The following STARD8 variants were observed in gnomAD, a reference collection of about 807,000 sequenced individuals.
STARD8 encodes the protein StAR related lipid transfer domain containing 8.
In STARD8, 25 loss-of-function variants were observed where a neutral mutation model predicts 69.4. That is an observed-to-expected ratio of 0.36 (90% CI 0.26 to 0.50). The LOEUF is 0.50. STARD8 is among the 20% of genes least tolerant of loss of function. STARD8 has a pLI of 0.96. For synonymous variants in STARD8, 389 were observed against 374.6 expected (o/e 1.04, Z -0.45); for missense variants, 921 against 932.5 (o/e 0.99, Z 0.16).
At chrX:68,696,619 G>C (rs1482494161) in intron 2 of STARD8, among the ~76,000 whole-genome samples, 4 of 111,942 alleles carry the variant, frequency 3.6e-5, no homozygotes, top group Non-Finnish European at 7.5e-5. Flanking sequence ...TGAACATGGG[G>C]AGCTTTAACT....
At chrX:68,678,375 A>G (rs945543883) in intron 2 of STARD8, among the ~76,000 whole-genome samples, 2 of 111,769 alleles carry the variant, frequency 1.8e-5, no homozygotes, top group African/African-American at 6.5e-5. Context: ...TAAAAAGGGA[A>G]GGAGGAAGGC....
At position 68,721,135 on chromosome X, in the gene STARD8, C is replaced by T. The variant is rs2080145077; in HGVS notation, c.2248+13C>T. On this transcript the variant is annotated intron_variant, in intron 9 of 14. Transcript: ENST00000374599. The stretch of plus-strand genomic sequence containing the variant: ...CAGATCTACCAGCGTGAGTCGCCCA[C>T]TCCTATCCCCAACAACCTGTCCCAT... 3 of 1,207,643 alleles carry T rather than the reference C, an allele frequency of 2.5e-6. No individual in the cohort carries two copies. The highest frequency in any genetic ancestry group is 3.5e-5 in the South Asian group (2 of 56,808).
intron 2 of STARD8, among the ~76,000 whole-genome samples, chrX:68,688,253 T>C (rs1051323609): frequency 4.5e-4 from 50 of 111,757 alleles, no homozygotes; most frequent in Admixed American, 2.5e-3. Flanking sequence ...CCCTCTCCGA[T>C]GTCATCCTGG....
Position 68,718,208 on chromosome X carries a change from G to A in STARD8, c.1294G>A (p.Val432Ile). The A allele has an allele frequency of 8.3e-7, 1 of 1,211,860 alleles. No homozygotes were observed. Residue 432 changes from valine to isoleucine, a missense_variant, in exon 6 of 15, where the codon GTT (valine) becomes ATT (isoleucine). By Grantham distance (29) the Val-to-Ile change is conservative. Coordinates refer to ENST00000374599, the MANE Select transcript of STARD8 (RefSeq NM_001142503.3). ...EATSSVEIAT[V>I]EVKCQAEALS... Reference sequence around the variant, plus strand: ...CACTTCATCAGTAGAAATAGCCACAGTTGAGGTCAAATGCCAAGCTGAGGC... The same window carrying A: ...CACTTCATCAGTAGAAATAGCCACAATTGAGGTCAAATGCCAAGCTGAGGC...
At chrX:68,701,495 C>A (rs2079965881) in intron 2 of STARD8, among the ~76,000 whole-genome samples, 1 of 113,013 alleles carries the variant, frequency 8.8e-6, no homozygotes, top group Admixed American at 9.3e-5. Flanking sequence ...AGTGATCAGT[C>A]ACTTCTGGAC....
intron 1 of STARD8, among the ~76,000 whole-genome samples, chrX:68,658,472 C>T (rs1159522498): frequency 8.9e-6 from 1 of 111,971 alleles, no homozygotes; most frequent in Non-Finnish European, 1.9e-5. Context: ...CTGACAGTCT[C>T]ATTATATTTC....
intron 5 of STARD8, among the ~76,000 whole-genome samples, 160 bp downstream of exon 5, chrX:68,716,591 G>C (rs2080093255): frequency 9.0e-6 from 1 of 111,501 alleles, no homozygotes; most frequent in South Asian, 3.8e-4. Flanking sequence ...GGAGATCTAG[G>C]ACCCCATTCT....
intron 2 of STARD8, among the ~76,000 whole-genome samples, chrX:68,695,854 T>C (rs2079915771): frequency 9.0e-6 from 1 of 111,404 alleles, no homozygotes; most frequent in Non-Finnish European, 1.9e-5. Context: ...GTTTAGAGGA[T>C]AGCAACAGGG....
chrX:68,723,531 C>G, intron 12 of STARD8, 95 bp from the exon 13 acceptor site: 1 of 784,998 alleles, frequency 1.3e-6, no homozygotes, highest in Non-Finnish European at 1.8e-6. Context: ...CCCTATTAAG[C>G]CTCAGGCCCT....
intron 7 of STARD8, 79 bp from the exon 8 acceptor site, chrX:68,720,185 C>G: frequency 9.3e-7 from 1 of 1,075,068 alleles, no homozygotes; most frequent in Non-Finnish European, 1.2e-6. Context: ...CCCCTCACCC[C>G]ACCTGATCCT....
intron 1 of STARD8, among the ~76,000 whole-genome samples, chrX:68,658,701 C>T (rs2079626038): frequency 8.9e-6 from 1 of 112,561 alleles, no homozygotes; most frequent in African/African-American, 3.2e-5. Flanking sequence ...ATTTCCAAGT[C>T]ACTTGTAACA....
chrX:68,699,138 CT>C (rs1243472914), intron 2 of STARD8, among the ~76,000 whole-genome samples: 1 of 111,860 alleles, frequency 8.9e-6, no homozygotes, highest in Non-Finnish European at 1.9e-5. Context: ...ACTGCTCCCC[CT>C]GGGTCGTACC....
chrX:68,699,078 C>T (rs753421455), intron 2 of STARD8, among the ~76,000 whole-genome samples: 51 of 111,930 alleles, frequency 4.6e-4, no homozygotes, highest in Non-Finnish European at 8.3e-4. Context: ...TGTGTCTGTC[C>T]CTAGTGGCCA....
intron 2 of STARD8, among the ~76,000 whole-genome samples, chrX:68,675,729 G>A (rs1021524206): frequency 9.0e-6 from 1 of 111,556 alleles, no homozygotes; most frequent in Non-Finnish European, 1.9e-5. Flanking sequence ...GCAGTACGCA[G>A]GCCAGAGGGG....
chrX:68,718,592 G>A lies in STARD8; in HGVS notation c.1678G>A (p.Asp560Asn). ...LQASMPRERR[D>N]SGVGASLTRP... ...GGCATCAATGCCCCGTGAACGGCGC[G>A]ATTCAGGTGTTGGGGCCTCACTTAC... Residue 560 changes from aspartate (D) to asparagine (N), a missense_variant, in exon 6 of 15, where the codon GAT becomes AAT. By Grantham distance (23) the Asp-to-Asn change is conservative (BLOSUM62 1). Transcript: ENST00000374599. 2 of 1,207,820 alleles carry A rather than the reference G, an allele frequency of 1.7e-6. No individual in the cohort carries two copies. The highest frequency in any genetic ancestry group is 1.7e-5 in the African/African-American group (1 of 57,897).
At chrX:68,684,595 G>T (rs1467740353) in intron 2 of STARD8, among the ~76,000 whole-genome samples, 2 of 112,573 alleles carry the variant, frequency 1.8e-5, no homozygotes, top group Non-Finnish European at 3.8e-5. Context: ...GAGGCGCAGT[G>T]CAGGGACTAC....
Position 68,717,814 on chromosome X carries a change from C to T in STARD8, c.900C>T (p.His300=), listed in dbSNP as rs1602610497. The part of the protein sequence containing the change: ...QWTHRGDCLV[H]VPGDHKPGTF... Reference sequence around the variant, plus strand: ...CACACCGGGGTGATTGCCTGGTGCACGTTCCTGGGGACCACAAACCAGGCA... The same window carrying T: ...CACACCGGGGTGATTGCCTGGTGCATGTTCCTGGGGACCACAAACCAGGCA... Residue 300 remains histidine (H), a synonymous_variant, in exon 6 of 15, where the codon CAC becomes CAT. Coordinates refer to ENST00000374599, the MANE Select transcript of STARD8 (RefSeq NM_001142503.3). 7.4e-6 allele frequency: 9 copies of T among 1,211,239 alleles called. No homozygotes were observed. Among genetic ancestry groups the T allele is most frequent in the South Asian group, 1.8e-5 (1 of 56,845 alleles).
intron 1 of STARD8, among the ~76,000 whole-genome samples, chrX:68,658,608 T>C (rs962372151): frequency 8.9e-6 from 1 of 112,679 alleles, no homozygotes; most frequent in African/African-American, 3.2e-5. Context: ...GAGCCGACAC[T>C]GGAGCTTGGT....
chrX:68,724,642 C>G lies in STARD8; in HGVS notation c.*220C>G. Reference sequence around the variant, plus strand: ...ACTCCACTCCCCCTTCACCCCCAACCCTGTATTCTACTCTCCCGAAAAGAG... The same window carrying G: ...ACTCCACTCCCCCTTCACCCCCAACGCTGTATTCTACTCTCCCGAAAAGAG... On this transcript the variant is annotated 3_prime_UTR_variant, in exon 15 of 15. Coordinates refer to ENST00000374599, the MANE Select transcript of STARD8 (RefSeq NM_001142503.3). 2 of 371,750 alleles carry G rather than the reference C, an allele frequency of 5.4e-6. No individual in the cohort carries two copies. Among genetic ancestry groups the G allele is most frequent in the Non-Finnish European group, 9.3e-6 (2 of 214,698 alleles). 30.6% of individuals were successfully genotyped at this position (371,750 alleles called of 1,213,427 possible). A position where few individuals can be genotyped will look rare whatever the true frequency, so the allele number is the denominator to read the frequency against.
Sources: gnomAD v4.1 joint callset for allele counts (sites outside exome capture counted in the v4.1 genomes callset) on GRCh38, gnomAD v4.1.1 for gene constraint, MANE v1.5 for transcripts, NCBI Gene and HGNC (gene_info 2026-07-23, HGNC 2026-07-21) for gene names.